TFEC: variants seen among roughly 807,000 people sequenced by gnomAD.
TFEC encodes the protein transcription factor EC.
In TFEC, 31 loss-of-function variants were observed where a neutral mutation model predicts 41.6. That is an observed-to-expected ratio of 0.74 (90% CI 0.56 to 1.01). The LOEUF (loss-of-function observed/expected upper bound fraction) is 1.01. TFEC is among the 50% of genes least tolerant of loss of function. The probability of loss-of-function intolerance (pLI) is 0.00; values close to 1 mark genes in which losing one functional copy is unlikely to be tolerated. For missense variants in TFEC, 402 were observed against 404.1 expected (o/e 0.99, Z 0.04); for synonymous variants, 143 against 140.6 (o/e 1.02, Z -0.12).
chr7:116,027,248 A>G (rs116950438), intron 1 of TFEC, among the ~76,000 whole-genome samples: 3,730 of 152,208 alleles, frequency 0.025, 73 homozygotes, highest in Non-Finnish European at 0.039. Context: ...GAGTGCTGCA[A>G]GTGGAAAACA....
At chr7:115,975,898 G>A (rs577216678) in intron 2 of TFEC, among the ~76,000 whole-genome samples, 1 of 152,118 alleles carries the variant, frequency 6.6e-6, no homozygotes, top group Non-Finnish European at 1.5e-5. Flanking sequence ...GCAAAGGCAA[G>A]AGCGGTTAGA....
At chr7:115,959,926 A>G (rs549440560) in intron 3 of TFEC, among the ~76,000 whole-genome samples, 2 of 151,712 alleles carry the variant, frequency 1.3e-5, no homozygotes, top group South Asian at 4.1e-4. Flanking sequence ...TAATATTGGA[A>G]GAAAGAATTT....
chr7:116,126,444 G>C (rs936236731), intron 1 of TFEC, among the ~76,000 whole-genome samples: 2 of 151,936 alleles, frequency 1.3e-5, no homozygotes, highest in African/African-American at 4.8e-5. Context: ...AGAGGGCAAA[G>C]GGATGAACAA....
At chr7:115,977,145 C>A (rs1348230452) in intron 2 of TFEC, among the ~76,000 whole-genome samples, 1 of 152,004 alleles carries the variant, frequency 6.6e-6, no homozygotes, top group African/African-American at 2.4e-5. Context: ...ACCCAAGAAT[C>A]CATTTGTTAT....
intron 1 of TFEC, among the ~76,000 whole-genome samples, chr7:116,118,474 T>C (rs748003446): frequency 9.2e-5 from 14 of 151,872 alleles, no homozygotes; most frequent in Non-Finnish European, 1.9e-4. Flanking sequence ...CCATTTCTTT[T>C]GATCAGTTGA....
Position 115,940,235 on chromosome 7 carries a change from C to G in TFEC, c.*316G>C, listed in dbSNP as rs766033014. 1 of 210,116 alleles carries G rather than the reference C, an allele frequency of 4.8e-6. No homozygotes were observed. The highest frequency in any genetic ancestry group is 9.6e-6 in the Non-Finnish European group (1 of 104,328). 13.0% of individuals were successfully genotyped at this position (210,116 alleles called of 1,614,324 possible). The stretch of plus-strand genomic sequence containing the variant: ...TTTGCAGTCATTAGTTCCAGTAGTA[C>G]ACCACCAAGTTGCTGCTTTTAAAAC... On this transcript the variant is annotated 3_prime_UTR_variant, in exon 8 of 8. Transcript: ENST00000265440.
chr7:116,024,547 TTAGATGATACATGTA>T (rs1795516876), intron 1 of TFEC, among the ~76,000 whole-genome samples: 1 of 152,122 alleles, frequency 6.6e-6, no homozygotes, highest in South Asian at 2.1e-4. Flanking sequence ...CAGACAAAAA[TTAGATGATACATGTA>T]AAGCCGTTAG....
intron 3 of TFEC, among the ~76,000 whole-genome samples, chr7:116,070,947 C>T (rs911944678): frequency 6.6e-6 from 1 of 151,418 alleles, no homozygotes; most frequent in Admixed American, 6.6e-5. Context: ...TACACACATA[C>T]ACATTCAATT....
chr7:115,979,551 A>T (rs1236104288), intron 2 of TFEC, among the ~76,000 whole-genome samples: 1 of 152,184 alleles, frequency 6.6e-6, no homozygotes, highest in Non-Finnish European at 1.5e-5. Context: ...GTCTGAATGA[A>T]GAAATAAATG....
chr7:115,942,194 T>G (rs1793542390), intron 6 of TFEC, among the ~76,000 whole-genome samples, 154 bp from the exon 7 acceptor site: 2 of 152,138 alleles, frequency 1.3e-5, no homozygotes, highest in South Asian at 4.1e-4. Flanking sequence ...TTTAATAGAA[T>G]AGTTAAGAAG....
chr7:115,996,932 G>C (rs1794392002), intron 1 of TFEC, among the ~76,000 whole-genome samples: 1 of 152,140 alleles, frequency 6.6e-6, no homozygotes, highest in Admixed American at 6.5e-5. Flanking sequence ...AGAGAACCAG[G>C]TAGATTCCTA....
At chr7:115,983,410 T>C (rs1793715637) in intron 2 of TFEC, among the ~76,000 whole-genome samples, 1 of 152,138 alleles carries the variant, frequency 6.6e-6, no homozygotes, top group South Asian at 2.1e-4. Context: ...GCCTGGAGGC[T>C]ACAGGCTTAA....
At chr7:115,948,435 T>C (rs1222960192) in intron 6 of TFEC, among the ~76,000 whole-genome samples, 1 of 152,130 alleles carries the variant, frequency 6.6e-6, no homozygotes, top group Non-Finnish European at 1.5e-5. Context: ...TGAACATTGA[T>C]GCAAAAATCC....
At chr7:115,971,616 C>G (rs769333531) in intron 3 of TFEC, among the ~76,000 whole-genome samples, 1 of 151,960 alleles carries the variant, frequency 6.6e-6, no homozygotes, top group Non-Finnish European at 1.5e-5. Context: ...GTATCCTGCT[C>G]AACTTGCCAG....
upstream of TFEC, among the ~76,000 whole-genome samples, chr7:116,035,507 C>G (rs970157026): frequency 3.9e-5 from 6 of 151,990 alleles, no homozygotes; most frequent in East Asian, 9.7e-4. Context: ...ATAATATCCA[C>G]CAAAATTATA....
intron 3 of TFEC, among the ~76,000 whole-genome samples, chr7:116,071,024 T>C (rs1796814624): frequency 1.3e-5 from 2 of 151,232 alleles, no homozygotes; most frequent in African/African-American, 4.8e-5. Flanking sequence ...TGCAGAATGA[T>C]TAAAGAAAAG....
intron 3 of TFEC, among the ~76,000 whole-genome samples, chr7:115,972,497 C>T (rs1030933698): frequency 7.9e-5 from 12 of 152,102 alleles, no homozygotes; most frequent in Admixed American, 2.0e-4. Context: ...CATTGTGCTA[C>T]CCCATTATAT....
chr7:116,088,039 C>T (rs1008593863), intron 3 of TFEC, among the ~76,000 whole-genome samples: 3 of 152,102 alleles, frequency 2.0e-5, no homozygotes, highest in Non-Finnish European at 4.4e-5. Flanking sequence ...CATACTCCTT[C>T]AACATTCTTT....
intron 3 of TFEC, chr7:115,968,342 G>T: frequency 1.4e-6 from 2 of 1,460,092 alleles, no homozygotes; most frequent in Non-Finnish European, 9.0e-7. Flanking sequence ...TGGACTTTAA[G>T]ACTAATCTTG....
Sources: gnomAD v4.1 joint callset for allele counts (sites outside exome capture counted in the v4.1 genomes callset) on GRCh38, gnomAD v4.1.1 for gene constraint, MANE v1.5 for transcripts, NCBI Gene and HGNC (gene_info 2026-07-23, HGNC 2026-07-21) for gene names.